Variants in IL17RD observed in about 807,000 individuals in gnomAD.
IL17RD encodes interleukin-17 receptor D.
IL17RD carries 52 observed loss-of-function variants against 80.5 expected under a neutral mutation model. The ratio of observed to expected loss-of-function variants is 0.65; its 90% CI spans 0.52 to 0.81. The LOEUF is 0.81. Ranked by LOEUF, IL17RD falls within the 40% of genes least tolerant of loss-of-function variation. IL17RD has a pLI of 0.00. For synonymous variants in IL17RD, 416 were observed against 391.8 expected, an observed-to-expected ratio of 1.06 and a Z score of -0.73; for missense variants, 1,024 against 955.1, an observed-to-expected ratio of 1.07 and a Z score of -0.95.
chr3:57,143,753 G>T (rs1459351157), intron 1 of IL17RD, among the ~76,000 whole-genome samples: 1 of 152,228 alleles, frequency 6.6e-6, no homozygotes, highest in African/African-American at 2.4e-5. Context: ...CTAGGAAAAT[G>T]AGTGCAATGT....
At chr3:57,127,412 ATTT>A (rs58398251) in intron 1 of IL17RD, among the ~76,000 whole-genome samples, 24 of 91,190 alleles carry the variant, frequency 2.6e-4, no homozygotes, top group Admixed American at 8.2e-4. Context: ...ATATATATAT[ATTT>A]TTTTTTTGAG....
Position 57,091,532 on chromosome 3 carries a change from G to C in IL17RD, c.*4861C>G, listed in dbSNP as rs1304779846. ...AACATTGTTTGGGCAACTAAACTAAGTGTGAAGCTGAGAAACATTACAGCA... is the reference window on the plus strand; with the variant it reads ...AACATTGTTTGGGCAACTAAACTAACTGTGAAGCTGAGAAACATTACAGCA... On this transcript the variant is annotated 3_prime_UTR_variant, in exon 13 of 13. Coordinates refer to ENST00000296318, the MANE Select transcript of IL17RD (RefSeq NM_017563.5). The C allele has an allele frequency of 6.6e-6, 1 of 152,646 alleles. No individual in the cohort carries two copies. 9.5% of individuals were successfully genotyped at this position (152,646 alleles called of 1,614,324 possible).
intron 1 of IL17RD, among the ~76,000 whole-genome samples, chr3:57,139,809 G>C (rs957225561): frequency 6.6e-6 from 1 of 152,026 alleles, no homozygotes; most frequent in Admixed American, 6.6e-5. Flanking sequence ...GAGCCACCTC[G>C]CCTGGCTGAA....
intron 2 of IL17RD, among the ~76,000 whole-genome samples, chr3:57,115,823 C>A (rs1348562719): frequency 1.3e-5 from 2 of 152,184 alleles, no homozygotes; most frequent in Non-Finnish European, 2.9e-5. Flanking sequence ...CAAACCTGTC[C>A]ATTACCCCTC....
chr3:57,154,260 TTATATATATA>T (rs751847693), intron 1 of IL17RD, among the ~76,000 whole-genome samples: 2 of 128,604 alleles, frequency 1.6e-5, no homozygotes, highest in Non-Finnish European at 3.3e-5. Flanking sequence ...AAAAAAAAAA[TTATATATATA>T]TATATATATA....
intron 1 of IL17RD, among the ~76,000 whole-genome samples, chr3:57,158,225 C>T (rs2060281257): frequency 2.0e-5 from 3 of 152,130 alleles, no homozygotes; most frequent in Admixed American, 6.5e-5. Context: ...TGAAAAGCCT[C>T]ATGATTAACG....
intron 11 of IL17RD, 84 bp from the exon 12 acceptor site, chr3:57,098,622 A>G: frequency 3.4e-6 from 3 of 895,038 alleles, no homozygotes; most frequent in Non-Finnish European, 3.5e-6. Context: ...GAAATGTCAG[A>G]AGGAGGCCAT....
At chr3:57,154,283 T>TATATATACACACAC (rs904157398) in intron 1 of IL17RD, among the ~76,000 whole-genome samples, 1 of 112,908 alleles carries the variant, frequency 8.9e-6, no homozygotes, top group African/African-American at 3.2e-5. Flanking sequence ...TATATATATA[T>TATATATACACACAC]ACACACACAC....
chr3:57,148,734 A>T (rs1324127035), intron 1 of IL17RD, among the ~76,000 whole-genome samples: 1 of 152,140 alleles, frequency 6.6e-6, no homozygotes, highest in Non-Finnish European at 1.5e-5. Flanking sequence ...TGCCTTTTTT[A>T]TATGCTCTCC....
chr3:57,100,116 G>A (rs1222704741), intron 11 of IL17RD, among the ~76,000 whole-genome samples: 1 of 152,196 alleles, frequency 6.6e-6, no homozygotes, highest in Non-Finnish European at 1.5e-5. Context: ...CTGGAAGAGC[G>A]TTTTCCCCAG....
rs1401715931 is a variant in IL17RD, at chr3:57,163,803, A to AGGGGGGGGG, written c.126+1357_126+1358insCCCCCCCCC. Among the ~76,000 whole-genome samples, 42 of 5,542 alleles carry AGGGGGGGGG rather than the reference A, an allele frequency of 7.6e-3. 1 individual carries two copies. Among genetic ancestry groups the AGGGGGGGGG allele is most frequent in the South Asian group, 0.017 (3 of 176 alleles). The allele number at this position is 5,542 out of a possible 152,430, so 3.6% of individuals were successfully genotyped here. A position where few individuals can be genotyped will look rare whatever the true frequency, so the allele number is the denominator to read the frequency against. On this transcript the variant is annotated intron_variant, in intron 1 of 12. Transcript: ENST00000296318. ...AATGGGGCGGGGGGGCGGGGGGGGA[A>AGGGGGGGGG]GGGGGTGGCGGGGGCGGAGGCAGAG... is the stretch of plus-strand genomic sequence containing the variant.
At chr3:57,148,396 C>T (rs1296854689) in intron 1 of IL17RD, among the ~76,000 whole-genome samples, 10 of 151,586 alleles carry the variant, frequency 6.6e-5, no homozygotes, top group East Asian at 1.9e-4. Context: ...CCCATTTTTA[C>T]GCTTTCAAGT....
upstream of IL17RD, among the ~76,000 whole-genome samples, chr3:57,166,980 C>T (rs2060351320): frequency 1.3e-5 from 2 of 152,218 alleles, no homozygotes; most frequent in Non-Finnish European, 2.9e-5. Context: ...AGGAAGAGAA[C>T]TCTTCTTGGT....
At chr3:57,168,509 A>G (rs1427719624), upstream of IL17RD, among the ~76,000 whole-genome samples, 1 of 152,186 alleles carries the variant, frequency 6.6e-6, no homozygotes, top group Non-Finnish European at 1.5e-5. Flanking sequence ...AGGACCAGGG[A>G]TGGGGAGGCC....
At chr3:57,104,112 G>A (rs1481069928) in intron 8 of IL17RD, among the ~76,000 whole-genome samples, 2 of 151,910 alleles carry the variant, frequency 1.3e-5, no homozygotes, top group Admixed American at 1.3e-4. Context: ...TTAAACCATG[G>A]TTATATATGG....
chr3:57,109,499 T>C, intron 5 of IL17RD, 38 bp downstream of exon 5: 2 of 1,591,412 alleles, frequency 1.3e-6, no homozygotes, highest in South Asian at 1.1e-5. Flanking sequence ...CGGAGAAAAG[T>C]CTTCTCATGG....
Position 57,098,011 on chromosome 3 carries a change from G to C in IL17RD, c.1692C>G (p.Phe564Leu), listed in dbSNP as rs200249733. Residue 564 changes from phenylalanine to leucine, a missense_variant, in exon 12 of 13, where the codon TTC becomes TTG. Coordinates refer to ENST00000296318, the MANE Select transcript of IL17RD (RefSeq NM_017563.5). ...GCAGTGGAGGAGGATGGAAGGGAAC[G>C]AACTGCTTTTCGAACCAGTCGGGCT... is the stretch of plus-strand genomic sequence containing the variant. ...DEEPDWFEKQ[F>L]VPFHPPPLRY... 1.2e-6 allele frequency: 2 copies of C among 1,614,042 alleles called. No homozygotes were observed. The highest frequency in any genetic ancestry group is 2.2e-5 in the East Asian group (1 of 44,884).
chr3:57,139,106 T>C (rs1043622757), intron 1 of IL17RD, among the ~76,000 whole-genome samples: 4 of 152,038 alleles, frequency 2.6e-5, no homozygotes, highest in African/African-American at 7.2e-5. Flanking sequence ...ACGTCATGTA[T>C]GACGGCATGC....
intron 1 of IL17RD, among the ~76,000 whole-genome samples, chr3:57,136,641 C>CCCCA (rs1707735224): frequency 6.2e-5 from 3 of 48,112 alleles, no homozygotes; most frequent in South Asian, 9.2e-4. Flanking sequence ...AACCCCCACT[C>CCCCA]AAAAAAAAAA....
Sources: gnomAD v4.1 joint callset for allele counts (sites outside exome capture counted in the v4.1 genomes callset) on GRCh38, gnomAD v4.1.1 for gene constraint, MANE v1.5 for transcripts, NCBI Gene and HGNC (gene_info 2026-07-23, HGNC 2026-07-21) for gene names.